CPQ: variants seen among roughly 807,000 people sequenced by gnomAD.
The protein encoded by CPQ is carboxypeptidase Q, also known as Ser-Met dipeptidase.
In CPQ, 37 loss-of-function variants were observed where a neutral mutation model predicts 45.7. The ratio of observed to expected loss-of-function variants is 0.81; its 90% confidence interval spans 0.62 to 1.07. The LOEUF (loss-of-function observed/expected upper bound fraction) is 1.07. Ranked by LOEUF, CPQ falls within the 50% of genes least tolerant of loss-of-function variation. The pLI, the probability that CPQ is intolerant of heterozygous loss-of-function variation, is 0.00. For synonymous variants in CPQ, 186 were observed against 205.8 expected (o/e 0.90, Z 0.82); for missense variants, 537 against 572.9 (o/e 0.94, Z 0.64).
rs549988115 is a variant in CPQ at position 96,931,923 on chromosome 8, C to T, written c.850-34012C>T. 3.3e-5 allele frequency among the ~76,000 whole-genome samples: 5 copies of T among 152,008 alleles called. No homozygotes were observed. In the South Asian group the frequency reaches 1.0e-3, roughly 32 times the overall value. On this transcript the variant is annotated intron_variant, in intron 4 of 7. Transcript: ENST00000220763. ...AATCATCATTACAGATCCCTCTGGA[C>T]TATTTCCCTTTAGCCAATCAGCAAC...
At chr8:96,877,396 C>G (rs1317362452) in intron 3 of CPQ, among the ~76,000 whole-genome samples, 1 of 152,162 alleles carries the variant, frequency 6.6e-6, no homozygotes, top group African/African-American at 2.4e-5. Context: ...ACAAATCTGT[C>G]TAGAAACACT....
chr8:96,682,402 T>C (rs1213026137), intron 1 of CPQ, among the ~76,000 whole-genome samples: 1 of 152,250 alleles, frequency 6.6e-6, no homozygotes, highest in African/African-American at 2.4e-5. Context: ...GCCATCCACG[T>C]AAAACGTGAC....
intron 1 of CPQ, among the ~76,000 whole-genome samples, chr8:96,775,884 C>T (rs911095663): frequency 1.3e-5 from 2 of 152,124 alleles, no homozygotes; most frequent in Non-Finnish European, 2.9e-5. Context: ...GCAGCATCAT[C>T]CATATTAAAA....
intron 5 of CPQ, among the ~76,000 whole-genome samples, chr8:97,017,412 G>A (rs980890466): frequency 2.0e-5 from 3 of 152,196 alleles, no homozygotes; most frequent in African/African-American, 7.2e-5. Flanking sequence ...CTCCTGGCCA[G>A]AACTGGGGGG....
chr8:97,116,137 T>A (rs1367212359), intron 7 of CPQ, among the ~76,000 whole-genome samples: 1 of 152,062 alleles, frequency 6.6e-6, no homozygotes, highest in Non-Finnish European at 1.5e-5. Context: ...ATAGGAAAAG[T>A]TAAGACCAAA....
chr8:96,828,694 C>T lies in CPQ; in HGVS notation c.434-6279C>T, dbSNP rs373354616. Reference sequence around the variant, plus strand: ...TTTCATGAAAGCCGTCCCTCACTCACGCACATTAGTCACCTTTACAAGGAA... The same window carrying T: ...TTTCATGAAAGCCGTCCCTCACTCATGCACATTAGTCACCTTTACAAGGAA... On this transcript the variant is annotated intron_variant, in intron 2 of 7. Coordinates refer to ENST00000220763, the MANE Select transcript of CPQ (RefSeq NM_016134.4). 1.8e-4 allele frequency among the ~76,000 whole-genome samples: 28 copies of T among 152,154 alleles called. 1 individual carries two copies. In the East Asian group the frequency reaches 3.5e-3, roughly 19 times the overall value.
intron 1 of CPQ, among the ~76,000 whole-genome samples, chr8:96,678,310 A>T (rs896363618): frequency 1.3e-5 from 2 of 151,858 alleles, no homozygotes; most frequent in Admixed American, 1.3e-4. Context: ...TGAGCATGGG[A>T]TGTGTTTTTA....
At chr8:96,848,308 A>G (rs1216362922) in intron 3 of CPQ, among the ~76,000 whole-genome samples, 3 of 152,192 alleles carry the variant, frequency 2.0e-5, no homozygotes, top group African/African-American at 7.2e-5. Context: ...TTTAAGAAAA[A>G]CAATACAAAG....
chr8:96,854,721 G>A (rs1038506549), intron 3 of CPQ, among the ~76,000 whole-genome samples: 3 of 151,922 alleles, frequency 2.0e-5, no homozygotes, highest in Non-Finnish European at 4.4e-5. Flanking sequence ...AATCTTCAGG[G>A]TGAGTCAGCA....
At chr8:96,884,336 C>T (rs557718259) in intron 4 of CPQ, among the ~76,000 whole-genome samples, 100 of 152,256 alleles carry the variant, frequency 6.6e-4, no homozygotes, top group African/African-American at 2.3e-3. Context: ...CTCACTATTT[C>T]CCCCCGATTT....
intron 6 of CPQ, among the ~76,000 whole-genome samples, chr8:97,065,045 T>C (rs1449251789): frequency 1.3e-5 from 2 of 152,150 alleles, no homozygotes; most frequent in Admixed American, 1.3e-4. Flanking sequence ...CTGGACGCAA[T>C]GTACAAATGT....
intron 7 of CPQ, among the ~76,000 whole-genome samples, chr8:97,102,512 T>A (rs1563580777): frequency 1.3e-5 from 2 of 152,180 alleles, no homozygotes; most frequent in African/African-American, 2.4e-5. Context: ...ACTTACCTTC[T>A]TTTACTCGCA....
intron 6 of CPQ, among the ~76,000 whole-genome samples, chr8:97,042,146 A>T (rs1157699631): frequency 1.3e-5 from 2 of 152,258 alleles, no homozygotes. Context: ...GCTATTGATT[A>T]CTGCCACAAT....
intron 7 of CPQ, among the ~76,000 whole-genome samples, chr8:97,094,186 C>T (rs1289487561): frequency 6.6e-6 from 1 of 152,148 alleles, no homozygotes; most frequent in Non-Finnish European, 1.5e-5. Flanking sequence ...TTTGGACACA[C>T]AATTCTCCAT....
In CPQ at chr8:96,796,318, T is replaced by C. The variant is rs189095175; in HGVS notation, c.433+10988T>C. On this transcript the variant is annotated intron_variant, in intron 2 of 7. Coordinates refer to ENST00000220763, the MANE Select transcript of CPQ (RefSeq NM_016134.4). The stretch of plus-strand genomic sequence containing the variant: ...CTTCTTTAAATTATTTGAGCATATC[T>C]CTTGCCTATTTTTCTACTGGTGCTT... Among the ~76,000 whole-genome samples the C allele has an allele frequency of 2.3e-3, 348 of 152,306 alleles. 4 individuals are homozygous for C. The highest frequency in any genetic ancestry group is 8.2e-3 in the African/African-American group (340 of 41,580).
intron 4 of CPQ, among the ~76,000 whole-genome samples, chr8:96,952,802 TAAA>T (rs371920689): frequency 0.011 from 1,631 of 152,198 alleles, 31 homozygotes; most frequent in African/African-American, 0.038. Flanking sequence ...AATCAAAACA[TAAA>T]AAATAAATGT....
At chr8:96,783,294 A>C (rs1386417421) in intron 1 of CPQ, among the ~76,000 whole-genome samples, 1 of 150,142 alleles carries the variant, frequency 6.7e-6, no homozygotes, top group Admixed American at 6.7e-5. Flanking sequence ...TGCTGCTTTA[A>C]CAGAATACCA....
chr8:97,121,130 A>G (rs1378131588), intron 7 of CPQ, among the ~76,000 whole-genome samples: 1 of 152,228 alleles, frequency 6.6e-6, no homozygotes, highest in Non-Finnish European at 1.5e-5. Context: ...ACAGTGCTGT[A>G]TTGACAAGTA....
chr8:97,043,004 G>A (rs1486003673), intron 6 of CPQ, among the ~76,000 whole-genome samples: 55 of 150,168 alleles, frequency 3.7e-4, no homozygotes, highest in African/African-American at 1.0e-3. Flanking sequence ...TATTAGGTCC[G>A]CTTGGTGCAG....
Sources: allele counts gnomAD v4.1 joint callset (sites outside exome capture counted in the v4.1 genomes callset), GRCh38; gene constraint gnomAD v4.1.1; transcripts MANE v1.5; gene names NCBI Gene and HGNC (gene_info 2026-07-23, HGNC 2026-07-21).